SPOCK3: variants seen among roughly 807,000 people sequenced by gnomAD.
The protein encoded by SPOCK3 is SPARC (osteonectin), cwcv and kazal like domains proteoglycan 3, also known as testican-3.
SPOCK3 carries 30 observed loss-of-function variants against 56.6 expected under a neutral mutation model. The ratio of observed to expected loss-of-function variants is 0.53; its 90% CI spans 0.40 to 0.72. The LOEUF is 0.72. Among genes scored for constraint, SPOCK3 ranks in the 30% least tolerant of loss-of-function variants. SPOCK3 has a pLI of 0.00. For synonymous variants in SPOCK3, 196 were observed against 183.3 expected (o/e 1.07, Z -0.56); for missense variants, 527 against 530.0 (o/e 0.99, Z 0.06).
intron 5 of SPOCK3, among the ~76,000 whole-genome samples, chr4:166,898,042 A>T (rs1044301756): frequency 7.2e-5 from 9 of 125,752 alleles, no homozygotes; most frequent in African/African-American, 2.4e-4. Flanking sequence ...AAATAAAAAT[A>T]AAAAAAAAAG....
At position 167,111,762 on chromosome 4, in the gene SPOCK3, C is replaced by CTTT. The variant is rs3082401; in HGVS notation, c.190-49228_190-49226dup. ...TAGTGCCACTAGCTTAAAAGTAGCA[C>CTTT]TTTTTTTTTTTTTGAGACAAGGTCT... On this transcript the variant is annotated intron_variant, in intron 2 of 10. Transcript: ENST00000357545. Among the ~76,000 whole-genome samples the CTTT allele has an allele frequency of 1.6e-3, 229 of 145,818 alleles. 3 individuals carry two copies. Among genetic ancestry groups the CTTT allele is most frequent in the Admixed American group, 2.3e-3 (33 of 14,528 alleles).
At chr4:166,885,930 T>A (rs942162272) in intron 6 of SPOCK3, among the ~76,000 whole-genome samples, 1 of 152,172 alleles carries the variant, frequency 6.6e-6, no homozygotes, top group Non-Finnish European at 1.5e-5. Context: ...ATGTGTCATA[T>A]GTCTAAAGTT....
At chr4:166,990,868 T>C (rs1157852554) in intron 4 of SPOCK3, among the ~76,000 whole-genome samples, 1 of 152,054 alleles carries the variant, frequency 6.6e-6, no homozygotes. Context: ...ATTGATGAAC[T>C]GGAGAGAGAA....
intron 7 of SPOCK3, among the ~76,000 whole-genome samples, chr4:166,768,901 T>C (rs1473227163): frequency 6.6e-6 from 1 of 152,196 alleles, no homozygotes; most frequent in African/African-American, 2.4e-5. Flanking sequence ...TACCCTTTTT[T>C]CTCCAAGCTT....
intron 6 of SPOCK3, among the ~76,000 whole-genome samples, chr4:166,846,144 T>C (rs1748036895): frequency 6.6e-6 from 1 of 152,180 alleles, no homozygotes; most frequent in African/African-American, 2.4e-5. Context: ...TGAGACCATC[T>C]TTATATATGC....
chr4:167,072,502 G>A (rs1425107528), intron 2 of SPOCK3, among the ~76,000 whole-genome samples: 1 of 151,842 alleles, frequency 6.6e-6, no homozygotes, highest in African/African-American at 2.4e-5. Flanking sequence ...AAAAAAATGA[G>A]AAAGCAATAT....
At chr4:167,167,144 T>C (rs753810334) in intron 2 of SPOCK3, among the ~76,000 whole-genome samples, 1 of 152,168 alleles carries the variant, frequency 6.6e-6, no homozygotes, top group African/African-American at 2.4e-5. Flanking sequence ...CTCTTTTCTA[T>C]ATCTTTCTTA....
chr4:167,115,585 T>C (rs1761263256), intron 2 of SPOCK3, among the ~76,000 whole-genome samples: 1 of 152,032 alleles, frequency 6.6e-6, no homozygotes, highest in Non-Finnish European at 1.5e-5. Flanking sequence ...GAAATATGAT[T>C]TTCATGTTGG....
At chr4:166,762,939 A>G (rs777491400) in intron 7 of SPOCK3, among the ~76,000 whole-genome samples, 2 of 152,076 alleles carry the variant, frequency 1.3e-5, no homozygotes, top group Non-Finnish European at 2.9e-5. Flanking sequence ...CATATCAGCA[A>G]TTGAGGTCTC....
intron 6 of SPOCK3, among the ~76,000 whole-genome samples, chr4:166,797,380 A>C (rs2126675397): frequency 6.6e-6 from 1 of 151,522 alleles, no homozygotes; most frequent in South Asian, 2.1e-4. Flanking sequence ...ATGTTCAGAT[A>C]AACCTGGCTA....
At chr4:167,075,147 A>G (rs1328039871) in intron 2 of SPOCK3, among the ~76,000 whole-genome samples, 1 of 151,762 alleles carries the variant, frequency 6.6e-6, no homozygotes, top group South Asian at 2.1e-4. Flanking sequence ...TTCTAAAGCT[A>G]TTTGTCAGGA....
chr4:167,120,160 T>C (rs1473546661), intron 2 of SPOCK3, among the ~76,000 whole-genome samples: 1 of 152,092 alleles, frequency 6.6e-6, no homozygotes, highest in African/African-American at 2.4e-5. Flanking sequence ...GTTGACGAGT[T>C]AGACTCTGGA....
intron 2 of SPOCK3, among the ~76,000 whole-genome samples, chr4:167,188,748 T>C (rs1458654883): frequency 6.8e-6 from 1 of 146,140 alleles, no homozygotes; most frequent in Non-Finnish European, 1.5e-5. Flanking sequence ...CAGTTGCTAA[T>C]ATAAAGAAAG....
rs1463868580 is a variant in SPOCK3 at position 167,109,391 on chromosome 4, A to ATG, written c.190-46855_190-46854insCA. On this transcript the variant is annotated intron_variant, in intron 2 of 10. Coordinates refer to ENST00000357545, the MANE Select transcript of SPOCK3 (RefSeq NM_001040159.2). Reference sequence around the variant, plus strand: ...ATATATATTTATATAAAATATATAAATATATATTTATATATAAATATATAT... The same window carrying ATG: ...ATATATATTTATATAAAATATATAAATGTATATATTTATATATAAATATATAT... Among the ~76,000 whole-genome samples, 116 of 23,378 alleles carry ATG rather than the reference A, an allele frequency of 5.0e-3. 1 individual carries two copies. Among genetic ancestry groups the ATG allele is most frequent in the African/African-American group, 0.011 (101 of 9,536 alleles). 15.3% of individuals were successfully genotyped at this position (23,378 alleles called of 152,430 possible). A position where few individuals can be genotyped will look rare whatever the true frequency, so the allele number is the denominator to read the frequency against.
chr4:166,741,924 A>T, intron 9 of SPOCK3, 73 bp downstream of exon 9: 1 of 1,070,184 alleles, frequency 9.3e-7, no homozygotes, highest in South Asian at 1.3e-5. Flanking sequence ...ATTAATATTG[A>T]TTTTATGTTG....
intron 8 of SPOCK3, among the ~76,000 whole-genome samples, chr4:166,748,061 C>G (rs1048886004): frequency 3.9e-5 from 6 of 151,976 alleles, no homozygotes; most frequent in African/African-American, 1.2e-4. Context: ...CCTTACTGCC[C>G]AAGGTAATTT....
intron 4 of SPOCK3, among the ~76,000 whole-genome samples, chr4:166,948,849 T>C (rs1359737805): frequency 7.2e-5 from 11 of 152,008 alleles, no homozygotes; most frequent in Admixed American, 7.2e-4. Context: ...AGGAGTATCT[T>C]TGTGGCGTTC....
At chr4:167,129,602 C>T (rs1447564570) in intron 2 of SPOCK3, among the ~76,000 whole-genome samples, 1 of 151,390 alleles carries the variant, frequency 6.6e-6, no homozygotes, top group Non-Finnish European at 1.5e-5. Flanking sequence ...TCTTCATTTC[C>T]TTGTCACTCC....
chr4:166,879,496 C>G (rs981104665), intron 6 of SPOCK3, among the ~76,000 whole-genome samples: 4 of 152,092 alleles, frequency 2.6e-5, no homozygotes, highest in African/African-American at 4.8e-5. Flanking sequence ...CATAGCAAGA[C>G]TTTGTCTCTA....
Sources: allele counts gnomAD v4.1 joint callset (sites outside exome capture counted in the v4.1 genomes callset), GRCh38; gene constraint gnomAD v4.1.1; transcripts MANE v1.5; gene names NCBI Gene and HGNC (gene_info 2026-07-23, HGNC 2026-07-21).